The following EIF4E variants were observed in gnomAD, a reference collection of about 807,000 sequenced individuals.
EIF4E encodes the protein eIF-4F 25 kDa subunit.
For missense variants in EIF4E, 113 were observed against 265.6 expected (o/e 0.43, Z 3.99); for synonymous variants, 71 against 88.5 (o/e 0.80, Z 1.11).
chr4:98,892,715 G>A (rs1057153298), intron 2 of EIF4E, among the ~76,000 whole-genome samples: 3 of 151,386 alleles, frequency 2.0e-5, no homozygotes, highest in Non-Finnish European at 4.4e-5. Context: ...GCGAGAAACA[G>A]GTTGGCTGAT....
At chr4:98,923,348 T>C (rs1725733473) in intron 1 of EIF4E, among the ~76,000 whole-genome samples, 1 of 151,934 alleles carries the variant, frequency 6.6e-6, no homozygotes, top group Admixed American at 6.6e-5. Flanking sequence ...TAGGGTCTCT[T>C]TCTGTCACCC....
intron 1 of EIF4E, among the ~76,000 whole-genome samples, chr4:98,920,622 G>T (rs1018774928): frequency 2.0e-5 from 3 of 151,904 alleles, no homozygotes; most frequent in Non-Finnish European, 4.4e-5. Context: ...TAAGATAGGG[G>T]CTATAGGCTT....
intron 1 of EIF4E, among the ~76,000 whole-genome samples, chr4:98,917,135 A>C (rs7693061): frequency 0.24 from 6,824 of 28,898 alleles, 186 homozygotes; most frequent in African/African-American, 0.36. Context: ...CACACACACA[A>C]AAAAAACCCA....
chr4:98,925,781 T>A (rs948292736), intron 1 of EIF4E, among the ~76,000 whole-genome samples: 1 of 152,114 alleles, frequency 6.6e-6, no homozygotes, highest in African/African-American at 2.4e-5. Context: ...TTATGGAAGC[T>A]CACAAACTAG....
chr4:98,917,584 A>G (rs549755298), intron 1 of EIF4E, among the ~76,000 whole-genome samples: 1 of 152,322 alleles, frequency 6.6e-6, no homozygotes, highest in South Asian at 2.1e-4. Context: ...TTTCAAAACT[A>G]AACAACACAT....
intron 1 of EIF4E, among the ~76,000 whole-genome samples, chr4:98,906,787 T>C (rs1724890705): frequency 6.6e-6 from 1 of 152,186 alleles, no homozygotes; most frequent in African/African-American, 2.4e-5. Context: ...GCACTGCTTC[T>C]GATCACACCC....
chr4:98,910,875 A>C (rs1206669701), intron 1 of EIF4E, among the ~76,000 whole-genome samples: 1 of 150,230 alleles, frequency 6.7e-6, no homozygotes, highest in Admixed American at 6.7e-5. Context: ...GACTACAGGC[A>C]TGCACCACCA....
chr4:98,896,633 C>CAG (rs1303321804), intron 2 of EIF4E, among the ~76,000 whole-genome samples: 2 of 140,426 alleles, frequency 1.4e-5, no homozygotes, highest in African/African-American at 5.3e-5. Context: ...CACTGCTCCC[C>CAG]AGTCTGGGCG....
At chr4:98,907,632 C>T (rs1198069353) in intron 1 of EIF4E, among the ~76,000 whole-genome samples, 1 of 152,160 alleles carries the variant, frequency 6.6e-6, no homozygotes, top group Non-Finnish European at 1.5e-5. Flanking sequence ...GCACTAGGAG[C>T]CATACTGCAA....
At chr4:98,881,906 TACA>T (rs1723708349) in intron 6 of EIF4E, among the ~76,000 whole-genome samples, 2 of 152,226 alleles carry the variant, frequency 1.3e-5, no homozygotes, top group African/African-American at 4.8e-5. Context: ...TAATCTCATC[TACA>T]ACATTAGAGA....
At chr4:98,901,830 T>C in intron 2 of EIF4E, 46 bp downstream of exon 2, 1 of 1,553,610 alleles carries the variant, frequency 6.4e-7, no homozygotes, top group South Asian at 1.1e-5. Flanking sequence ...CATTCACAAT[T>C]TACCTTGTGG....
At chr4:98,901,102 T>C (rs1724626104) in intron 2 of EIF4E, among the ~76,000 whole-genome samples, 1 of 152,260 alleles carries the variant, frequency 6.6e-6, no homozygotes. Flanking sequence ...AATGGATATT[T>C]TGACATCTTG....
At chr4:98,882,717 T>C (rs1723750015) in intron 6 of EIF4E, among the ~76,000 whole-genome samples, 1 of 151,638 alleles carries the variant, frequency 6.6e-6, no homozygotes, top group East Asian at 1.9e-4. Flanking sequence ...AATTGGAAGG[T>C]TAAAAAAGAA....
chr4:98,886,939 C>G lies in EIF4E; in HGVS notation c.399+140G>C. The G allele has an allele frequency of 3.6e-6, 3 of 838,828 alleles. 1 individual carries two copies. Among genetic ancestry groups the G allele is most frequent in the Non-Finnish European group, 5.8e-6 (3 of 515,226 alleles). The allele number at this position is 838,828 out of a possible 1,614,324, so 52.0% of individuals were successfully genotyped here. ...TATAAACAGGAGTCATATGACAGAACAAAAATAATTACTGACCCTGATTTT... is the reference window on the plus strand; with the variant it reads ...TATAAACAGGAGTCATATGACAGAAGAAAAATAATTACTGACCCTGATTTT... On this transcript the variant is annotated intron_variant, in intron 5 of 6. Coordinates refer to ENST00000450253, the MANE Select transcript of EIF4E (RefSeq NM_001968.5).
intron 5 of EIF4E, chr4:98,886,266 T>C: frequency 4.3e-6 from 1 of 234,062 alleles, no homozygotes; most frequent in Non-Finnish European, 8.7e-6. Context: ...CAAACCCCGC[T>C]CCTATAAGCT....
Position 98,879,474 on chromosome 4 carries a change from A to T in EIF4E, c.*1554T>A, listed in dbSNP as rs1393659254. 6.6e-6 allele frequency: 1 copy of T among 152,174 alleles called. No homozygotes were observed. The highest frequency in any genetic ancestry group is 1.5e-5 in the Non-Finnish European group (1 of 68,014). 9.4% of individuals were successfully genotyped at this position (152,174 alleles called of 1,614,324 possible). A position where few individuals can be genotyped will look rare whatever the true frequency, so the allele number is the denominator to read the frequency against. ...AGGACTATACAAGTATGTACTATGT[A>T]CAAAACATTTTCAAGTTTGCTTTCA... On this transcript the variant is annotated 3_prime_UTR_variant, in exon 7 of 7. Transcript: ENST00000450253.
chr4:98,899,427 A>G (rs187335639), intron 2 of EIF4E, among the ~76,000 whole-genome samples: 1 of 152,320 alleles, frequency 6.6e-6, no homozygotes, highest in East Asian at 1.9e-4. Context: ...AAGACTAATC[A>G]CATGAGTTAG....
At chr4:98,911,661 CAAAAAAAAAAAAA>C (rs767631331) in intron 1 of EIF4E, among the ~76,000 whole-genome samples, 1,265 of 60,146 alleles carry the variant, frequency 0.021, 37 homozygotes, top group African/African-American at 0.073. Context: ...AACTCTGTCT[CAAAAAAAAAAAAA>C]AAAAAAAAAA....
intron 2 of EIF4E, 74 bp from the exon 3 acceptor site, chr4:98,891,406 C>G (rs966087744): frequency 3.2e-5 from 44 of 1,396,698 alleles, no homozygotes; most frequent in Non-Finnish European, 4.3e-5. Flanking sequence ...TCACAAAAGT[C>G]AAAAGGTAGA....
Sources: gnomAD v4.1 joint callset for allele counts (sites outside exome capture counted in the v4.1 genomes callset) on GRCh38, gnomAD v4.1.1 for gene constraint, MANE v1.5 for transcripts, NCBI Gene and HGNC (gene_info 2026-07-23, HGNC 2026-07-21) for gene names.